The following ACVR1 variants were observed in gnomAD, a reference collection of about 807,000 sequenced individuals.
The protein encoded by ACVR1 is activin receptor type-1.
A neutral mutation model predicts 57.1 loss-of-function variants in ACVR1; 38 were observed. The observed-to-expected ratio is 0.67, with a 90% CI of 0.51 to 0.87. The LOEUF is 0.87. Ranked by LOEUF, ACVR1 falls within the 40% of genes least tolerant of loss-of-function variation. The probability of loss-of-function intolerance (pLI) is 0.00; values close to 1 mark genes in which losing one functional copy is unlikely to be tolerated. For synonymous variants in ACVR1, 212 were observed against 228.1 expected (o/e 0.93, Z 0.63); for missense variants, 463 against 638.2 (o/e 0.73, Z 2.96).
At chr2:157,861,928 G>A (rs181616749) in intron 1 of ACVR1, among the ~76,000 whole-genome samples, 1 of 152,042 alleles carries the variant, frequency 6.6e-6, no homozygotes, top group Non-Finnish European at 1.5e-5. Flanking sequence ...TATAAAACCT[G>A]TCACACTAGA....
chr2:157,847,656 C>T lies in ACVR1; in HGVS notation c.-183+28140G>A, dbSNP rs575883362. On this transcript the variant is annotated intron_variant, in intron 1 of 10. Transcript: ENST00000434821. ...ATGCAAAGGTAAGCAAGACATGGTT[C>T]TTACCTTCAAAGAGTTTATAATCTA... 4.6e-5 allele frequency among the ~76,000 whole-genome samples: 7 copies of T among 152,284 alleles called. No individual in the cohort carries two copies. In the East Asian group the frequency reaches 7.7e-4, roughly 17 times the overall value.
chr2:157,787,142 G>A (rs1462243107), intron 3 of ACVR1, among the ~76,000 whole-genome samples: 2 of 152,088 alleles, frequency 1.3e-5, no homozygotes, highest in Non-Finnish European at 2.9e-5. Flanking sequence ...CTATTTAGAA[G>A]CCAAAAAACT....
chr2:157,778,189 A>G lies in ACVR1; in HGVS notation c.485T>C (p.Val162Ala), dbSNP rs2105277872. The part of the protein sequence containing the change: ...RNQERLNPRD[V>A]EYGTIEGLIT... The stretch of plus-strand genomic sequence containing the variant: ...GAGCCCTTCGATAGTGCCATACTCC[A>G]CGTCTCGGGGATTGAGGCGTTCTTG... The change falls in exon 5 of 11, where the codon GTG becomes GCG. Residue 162 changes from valine to alanine, a missense_variant. Transcript: ENST00000434821. The G allele has an allele frequency of 6.2e-7, 1 of 1,612,660 alleles. No individual in the cohort carries two copies. Among genetic ancestry groups the G allele is most frequent in the Non-Finnish European group, 8.5e-7 (1 of 1,179,468 alleles).
intron 7 of ACVR1, among the ~76,000 whole-genome samples, chr2:157,767,683 T>C (rs1301410618): frequency 1.3e-5 from 2 of 152,220 alleles, no homozygotes; most frequent in African/African-American, 2.4e-5. Flanking sequence ...TCATGAGATT[T>C]TTCCCAACAA....
At chr2:157,750,814 A>G (rs751828187) in intron 9 of ACVR1, among the ~76,000 whole-genome samples, 1 of 152,180 alleles carries the variant, frequency 6.6e-6, no homozygotes, top group African/African-American at 2.4e-5. Flanking sequence ...TCAGTGAGAT[A>G]TAAGAGAACA....
At chr2:157,808,876 A>C (rs1274046500) in intron 2 of ACVR1, among the ~76,000 whole-genome samples, 1 of 85,632 alleles carries the variant, frequency 1.2e-5, no homozygotes, top group Non-Finnish European at 3.2e-5. Flanking sequence ...TCAGTAATAC[A>C]TTTAAAAAAA....
intron 9 of ACVR1, among the ~76,000 whole-genome samples, chr2:157,748,645 A>G (rs1574014445): frequency 1.3e-5 from 2 of 151,896 alleles, no homozygotes; most frequent in South Asian, 4.2e-4. Context: ...AAAAAAAAAC[A>G]ACTTTAAAAA....
chr2:157,874,644 A>AT (rs1266117971), intron 1 of ACVR1, among the ~76,000 whole-genome samples: 1 of 152,064 alleles, frequency 6.6e-6, no homozygotes, highest in Non-Finnish European at 1.5e-5. Context: ...GGTGGTGTCT[A>AT]TTTTTTGCCA....
At chr2:157,860,730 ACTT>A (rs1323640307) in intron 1 of ACVR1, among the ~76,000 whole-genome samples, 1 of 152,020 alleles carries the variant, frequency 6.6e-6, no homozygotes, top group Non-Finnish European at 1.5e-5. Flanking sequence ...TAATAATGTC[ACTT>A]CTTCATTATC....
intron 3 of ACVR1, among the ~76,000 whole-genome samples, chr2:157,783,925 A>T (rs890179864): frequency 1.3e-5 from 2 of 152,238 alleles, no homozygotes; most frequent in Admixed American, 1.3e-4. Flanking sequence ...AGGTGCACAC[A>T]CATGCATGCA....
At chr2:157,765,442 C>T (rs1312298570) in intron 8 of ACVR1, among the ~76,000 whole-genome samples, 1 of 152,146 alleles carries the variant, frequency 6.6e-6, no homozygotes, top group African/African-American at 2.4e-5. Flanking sequence ...CAGGGACTGA[C>T]TGAATGAGCC....
chr2:157,851,470 C>G (rs1454661165), intron 1 of ACVR1, among the ~76,000 whole-genome samples: 1 of 151,992 alleles, frequency 6.6e-6, no homozygotes, highest in African/African-American at 2.4e-5. Context: ...AGCAACAAGG[C>G]AGGCAGGATG....
chr2:157,864,098 G>A (rs998149357), intron 1 of ACVR1, among the ~76,000 whole-genome samples: 8 of 152,070 alleles, frequency 5.3e-5, no homozygotes, highest in South Asian at 4.2e-4. Context: ...TCCTGACCTC[G>A]TGATCTGCCT....
intron 6 of ACVR1, among the ~76,000 whole-genome samples, chr2:157,772,560 G>C (rs1162300531): frequency 6.6e-6 from 1 of 152,126 alleles, no homozygotes; most frequent in African/African-American, 2.4e-5. Context: ...ATACTTTAAA[G>C]GTGCATTACT....
At chr2:157,785,092 T>A (rs1686665770) in intron 3 of ACVR1, among the ~76,000 whole-genome samples, 1 of 152,112 alleles carries the variant, frequency 6.6e-6, no homozygotes, top group South Asian at 2.1e-4. Context: ...GTCTTTGACA[T>A]AAAAGACAAA....
At chr2:157,809,104 A>T (rs1687660119) in intron 2 of ACVR1, among the ~76,000 whole-genome samples, 1 of 152,180 alleles carries the variant, frequency 6.6e-6, no homozygotes. Context: ...TTTTGCCTAC[A>T]CGGCTGTTAT....
chr2:157,828,153 A>G (rs1688454468), intron 1 of ACVR1, among the ~76,000 whole-genome samples: 1 of 152,026 alleles, frequency 6.6e-6, no homozygotes. Flanking sequence ...CGTCTCTACA[A>G]AAAAATACAA....
chr2:157,832,028 G>C (rs1205385982), intron 1 of ACVR1, among the ~76,000 whole-genome samples: 1 of 152,150 alleles, frequency 6.6e-6, no homozygotes, highest in Non-Finnish European at 1.5e-5. Flanking sequence ...ATGCTGGGCT[G>C]TACTCCTGGA....
chr2:157,829,543 C>A (rs890191813), intron 1 of ACVR1, among the ~76,000 whole-genome samples: 2 of 152,028 alleles, frequency 1.3e-5, no homozygotes, highest in Non-Finnish European at 2.9e-5. Context: ...TTTTCATGAT[C>A]TGGCCCCAGA....
Sources: gnomAD v4.1 joint callset for allele counts (sites outside exome capture counted in the v4.1 genomes callset) on GRCh38, gnomAD v4.1.1 for gene constraint, MANE v1.5 for transcripts, NCBI Gene and HGNC (gene_info 2026-07-23, HGNC 2026-07-21) for gene names.